Variants in CD226 observed in about 807,000 individuals in gnomAD.
The protein encoded by CD226 is CD226 molecule.
CD226 carries 24 observed loss-of-function variants against 34.9 expected under a neutral mutation model. The observed-to-expected ratio is 0.69, with a 90% CI of 0.50 to 0.97. CD226 has a LOEUF of 0.97. CD226 is among the 50% of genes least tolerant of loss of function. The pLI, the probability that CD226 is intolerant of heterozygous loss-of-function variation, is 0.00. For synonymous variants in CD226, 148 were observed against 147.4 expected (o/e 1.00, Z -0.03); for missense variants, 397 against 412.7 (o/e 0.96, Z 0.33).
At chr18:69,957,077 T>C (rs1430223435), upstream of CD226, 3 of 152,336 alleles carry the variant, frequency 2.0e-5, no homozygotes, top group African/African-American at 4.8e-5. Context: ...AACTTTACTA[T>C]TGCAGCTACT....
At chr18:69,951,640 A>T (rs185665176), upstream of CD226, among the ~76,000 whole-genome samples, 36 of 152,274 alleles carry the variant, frequency 2.4e-4, 1 homozygote, top group African/African-American at 6.7e-4. Context: ...AAATGGTATT[A>T]AAAAAGAAGA....
At chr18:69,954,383 A>C (rs899245861) in intron 1 of CD226, among the ~76,000 whole-genome samples, 3 of 152,234 alleles carry the variant, frequency 2.0e-5, no homozygotes, top group Admixed American at 2.0e-4. Flanking sequence ...AAAAATCATT[A>C]TGTGCTTATT....
In CD226 at chr18:69,918,281, G is replaced by A. The variant is rs566948432; in HGVS notation, c.383-22236C>T. Among the ~76,000 whole-genome samples, 13 of 152,308 alleles carry A rather than the reference G, an allele frequency of 8.5e-5. No homozygotes were observed. The East Asian group carries it at 2.1e-3, about 25-fold the overall frequency. On this transcript the variant is annotated intron_variant, in intron 2 of 5. Coordinates refer to ENST00000582621, the MANE Select transcript of CD226 (RefSeq NM_001303618.2). The stretch of plus-strand genomic sequence containing the variant: ...TAAAGAAGCTATTAGGGCCAGGCAC[G>A]GTGGCTCACGCCTGTAATCCCAGCA...
chr18:69,949,025 A>T (rs1001916243), upstream of CD226, among the ~76,000 whole-genome samples: 1 of 152,212 alleles, frequency 6.6e-6, no homozygotes, highest in Non-Finnish European at 1.5e-5. Flanking sequence ...CAGAGGCGTG[A>T]CAATGCGGGT....
At chr18:69,949,520 C>T (rs939746719), upstream of CD226, among the ~76,000 whole-genome samples, 1 of 152,168 alleles carries the variant, frequency 6.6e-6, no homozygotes, top group South Asian at 2.1e-4. Flanking sequence ...GTCCTGAGGA[C>T]AGGGTCCCCC....
chr18:69,928,219 T>C (rs888889563), intron 2 of CD226, among the ~76,000 whole-genome samples: 1 of 152,236 alleles, frequency 6.6e-6, no homozygotes, highest in Admixed American at 6.5e-5. Context: ...CTTAATTACA[T>C]ATGGAATTCA....
In CD226 at chr18:69,941,329, A is replaced by ATCCACAGACGGCTTGCACCATGC. The variant is rs1351735956; in HGVS notation, c.382+5382_382+5404dup. Among the ~76,000 whole-genome samples the ATCCACAGACGGCTTGCACCATGC allele has an allele frequency of 1.4e-4, 21 of 152,284 alleles. No homozygotes were observed. The South Asian group carries it at 4.2e-3, about 30-fold the overall frequency. On this transcript the variant is annotated intron_variant, in intron 2 of 5. Coordinates refer to ENST00000582621, the MANE Select transcript of CD226 (RefSeq NM_001303618.2). ...CTTCAGACCCCACAATCTGAATCTG[A>ATCCACAGACGGCTTGCACCATGC]TCCACAGACGGCTTGCACCATGCAA...
intron 2 of CD226, among the ~76,000 whole-genome samples, chr18:69,924,692 C>CAAAA (rs56118102): frequency 1.8e-5 from 1 of 57,118 alleles, no homozygotes; most frequent in African/African-American, 6.1e-5. Context: ...AAGGTATTGC[C>CAAAA]AAAAAAAAAA....
At chr18:69,868,517 T>C (rs565384258) in intron 4 of CD226, among the ~76,000 whole-genome samples, 4 of 152,092 alleles carry the variant, frequency 2.6e-5, no homozygotes, top group Non-Finnish European at 5.9e-5. Flanking sequence ...TTATTTATTA[T>C]TATTTTGACC....
intron 2 of CD226, among the ~76,000 whole-genome samples, chr18:69,943,326 T>C (rs780524598): frequency 3.3e-5 from 5 of 152,198 alleles, no homozygotes; most frequent in African/African-American, 4.8e-5. Flanking sequence ...ACAGTAGTTT[T>C]CTCCATGACC....
intron 2 of CD226, among the ~76,000 whole-genome samples, chr18:69,905,182 C>T (rs1262875665): frequency 1.3e-5 from 2 of 152,132 alleles, no homozygotes. Context: ...CCGGTGACAG[C>T]CAGAGTTTTC....
chr18:69,915,032 T>C (rs1431059812), intron 2 of CD226, among the ~76,000 whole-genome samples: 1 of 152,194 alleles, frequency 6.6e-6, no homozygotes, highest in Admixed American at 6.5e-5. Flanking sequence ...TTCAGGGTAA[T>C]CACATCTTCT....
intron 2 of CD226, among the ~76,000 whole-genome samples, chr18:69,942,091 A>C (rs903739342): frequency 2.6e-5 from 4 of 152,140 alleles, no homozygotes; most frequent in African/African-American, 9.7e-5. Flanking sequence ...TTTCACCATG[A>C]TTGTACGTTT....
rs1451306997 is a variant in CD226, at chr18:69,863,424, G to T, written c.*890C>A. 1 of 152,160 alleles carries T rather than the reference G, an allele frequency of 6.6e-6. No homozygotes were observed. Among genetic ancestry groups the T allele is most frequent in the East Asian group, 1.9e-4 (1 of 5,196 alleles). 9.4% of individuals were successfully genotyped at this position (152,160 alleles called of 1,614,324 possible). On this transcript the variant is annotated 3_prime_UTR_variant, in exon 6 of 6. Coordinates refer to ENST00000582621, the MANE Select transcript of CD226 (RefSeq NM_001303618.2). ...AAGGCTAGACCTGGGATGGCGGCAAGAATTCTATACAGAATGAGAGATAAA... is the reference window on the plus strand; with the variant it reads ...AAGGCTAGACCTGGGATGGCGGCAATAATTCTATACAGAATGAGAGATAAA...
chr18:69,855,223 A>G lies in CD226; in HGVS notation c.*9091T>C, dbSNP rs1467612814. 5 of 152,224 alleles carry G rather than the reference A, an allele frequency of 3.3e-5. No individual in the cohort carries two copies. Among genetic ancestry groups the G allele is most frequent in the Non-Finnish European group, 7.3e-5 (5 of 68,038 alleles). The allele number at this position is 152,224 out of a possible 1,614,324, so 9.4% of individuals were successfully genotyped here. A position where few individuals can be genotyped will look rare whatever the true frequency, so the allele number is the denominator to read the frequency against. Reference sequence around the variant, plus strand: ...TAGAGACATGACACGTGTCAGAATTATCAGACATGGAACTTATCATTAATA... The same window carrying G: ...TAGAGACATGACACGTGTCAGAATTGTCAGACATGGAACTTATCATTAATA... On this transcript the variant is annotated 3_prime_UTR_variant, in exon 6 of 6. Transcript: ENST00000582621.
In CD226 at chr18:69,860,736, G is replaced by A. The variant is rs1343232423; in HGVS notation, c.*3578C>T. The stretch of plus-strand genomic sequence containing the variant: ...TGAAGGTGGAGATCAGTACTTTCTA[G>A]ATGTTACATTTTAATAGTAGCTAAA... On this transcript the variant is annotated 3_prime_UTR_variant, in exon 6 of 6. Transcript: ENST00000582621. The A allele has an allele frequency of 6.6e-6, 1 of 152,068 alleles. No individual in the cohort carries two copies. The highest frequency in any genetic ancestry group is 1.5e-5 in the Non-Finnish European group (1 of 67,968). The allele number at this position is 152,068 out of a possible 1,614,324, so 9.4% of individuals were successfully genotyped here. A position where few individuals can be genotyped will look rare whatever the true frequency, so the allele number is the denominator to read the frequency against.
rs948627893 is a variant in CD226, at chr18:69,861,930, T to C, written c.*2384A>G. ...AGAGAATTTTTGGGAGGACTTCAGA[T>C]GGCTCCAAATTCCTGAAAAAACCCT... On this transcript the variant is annotated 3_prime_UTR_variant, in exon 6 of 6. Transcript: ENST00000582621. 4.6e-5 allele frequency: 7 copies of C among 152,096 alleles called. No individual in the cohort carries two copies. The highest frequency in any genetic ancestry group is 1.4e-4 in the African/African-American group (6 of 41,420). The allele number at this position is 152,096 out of a possible 1,614,324, so 9.4% of individuals were successfully genotyped here. A position where few individuals can be genotyped will look rare whatever the true frequency, so the allele number is the denominator to read the frequency against.
At chr18:69,907,361 G>A (rs2055267799) in intron 2 of CD226, among the ~76,000 whole-genome samples, 1 of 152,174 alleles carries the variant, frequency 6.6e-6, no homozygotes, top group Admixed American at 6.5e-5. Context: ...CTGTTGCCCA[G>A]GCTGGAGTGC....
intron 2 of CD226, among the ~76,000 whole-genome samples, chr18:69,919,479 C>T (rs917958091): frequency 3.3e-5 from 5 of 152,094 alleles, no homozygotes; most frequent in Admixed American, 6.5e-5. Context: ...AAGGATCATC[C>T]AGGAAGTAGA....
Sources: gnomAD v4.1 joint callset for allele counts (sites outside exome capture counted in the v4.1 genomes callset) on GRCh38, gnomAD v4.1.1 for gene constraint, MANE v1.5 for transcripts, NCBI Gene and HGNC (gene_info 2026-07-23, HGNC 2026-07-21) for gene names.